Variants in PPARGC1A observed in about 807,000 individuals in gnomAD.
The protein encoded by PPARGC1A is peroxisome proliferator-activated receptor gamma coactivator 1-alpha.
Under a neutral mutation model 88.7 loss-of-function variants are expected in PPARGC1A, and 25 were observed. That is an observed-to-expected ratio of 0.28 (90% confidence interval 0.21 to 0.39). The LOEUF is 0.39. PPARGC1A is among the 10% of genes least tolerant of loss of function. The pLI is 1.00. For synonymous variants in PPARGC1A, 363 were observed against 355.6 expected (o/e 1.02, Z -0.24); for missense variants, 880 against 968.7 (o/e 0.91, Z 1.22).
chr4:23,911,326 A>G, the PPARGC1A span, among the ~76,000 whole-genome samples: 3 of 152,190 alleles, frequency 2.0e-5, no homozygotes, highest in African/African-American at 4.8e-5. Flanking sequence ...CATTTCCACT[A>G]ATCTTATTTA....
chr4:24,084,667 G>A, the PPARGC1A span, among the ~76,000 whole-genome samples: 1 of 151,958 alleles, frequency 6.6e-6, no homozygotes, highest in Admixed American at 6.6e-5. Context: ...ACAATACAAG[G>A]TCTCTCCCAG....
chr4:24,424,161 A>G, the PPARGC1A span, among the ~76,000 whole-genome samples: 1 of 148,790 alleles, frequency 6.7e-6, no homozygotes, highest in Admixed American at 6.8e-5. Context: ...TCTAGAGCTG[A>G]CTTTCTAATT....
At chr4:24,165,280 A>G in the PPARGC1A span, among the ~76,000 whole-genome samples, 4 of 152,282 alleles carry the variant, frequency 2.6e-5, no homozygotes, top group Non-Finnish European at 5.9e-5. Context: ...TCAAACTGAA[A>G]TTAAAATTGT....
chr4:24,212,498 A>C, the PPARGC1A span, among the ~76,000 whole-genome samples: 2 of 152,280 alleles, frequency 1.3e-5, no homozygotes, highest in South Asian at 4.1e-4. Context: ...CTATTTTCCA[A>C]AGTGTCATGA....
At chr4:23,996,939 AAT>A in the PPARGC1A span, among the ~76,000 whole-genome samples, 1 of 152,228 alleles carries the variant, frequency 6.6e-6, no homozygotes, top group African/African-American at 2.4e-5. Flanking sequence ...AGCTTTGATC[AAT>A]GAGTATTTGG....
the PPARGC1A span, among the ~76,000 whole-genome samples, chr4:24,167,882 T>G: frequency 6.6e-6 from 1 of 151,996 alleles, no homozygotes; most frequent in South Asian, 2.1e-4. Context: ...GCCTCCTGAG[T>G]AGCTGTGACC....
intron 1 of PPARGC1A, among the ~76,000 whole-genome samples, chr4:23,897,400 T>C (rs1408438837): frequency 6.6e-6 from 1 of 152,178 alleles, no homozygotes; most frequent in Admixed American, 6.5e-5. Flanking sequence ...TTCAGCTATG[T>C]CACTTGCCAG....
chr4:24,243,017 T>C, the PPARGC1A span, among the ~76,000 whole-genome samples: 182 of 152,228 alleles, frequency 1.2e-3, no homozygotes, highest in African/African-American at 4.1e-3. Context: ...TCATTGCAAT[T>C]ATATTTAATT....
the PPARGC1A span, among the ~76,000 whole-genome samples, chr4:23,945,972 G>C: frequency 1.1e-4 from 17 of 152,228 alleles, no homozygotes; most frequent in African/African-American, 4.1e-4. Context: ...GTGCAACCCA[G>C]AACAGCTGGA....
the PPARGC1A span, among the ~76,000 whole-genome samples, chr4:24,115,713 A>T: frequency 6.6e-6 from 1 of 152,160 alleles, no homozygotes; most frequent in Non-Finnish European, 1.5e-5. Flanking sequence ...TAGCATTTTA[A>T]TGCTGACAAA....
At chr4:24,417,966 C>T in the PPARGC1A span, among the ~76,000 whole-genome samples, 1 of 151,782 alleles carries the variant, frequency 6.6e-6, no homozygotes, top group Non-Finnish European at 1.5e-5. Context: ...AACCCTCCAC[C>T]ATCAGACTAT....
At chr4:23,829,712 A>T in intron 3 of PPARGC1A, 127 bp from the exon 4 acceptor site, 1 of 950,918 alleles carries the variant, frequency 1.1e-6, no homozygotes, top group Non-Finnish European at 1.4e-6. Flanking sequence ...CATTTTATTT[A>T]TGTCACACCT....
At chr4:24,080,142 A>T in the PPARGC1A span, among the ~76,000 whole-genome samples, 1 of 152,072 alleles carries the variant, frequency 6.6e-6, no homozygotes, top group African/African-American at 2.4e-5. Flanking sequence ...TTTGAGAAAA[A>T]TCGAAGTGCT....
chr4:24,351,464 A>G, the PPARGC1A span, among the ~76,000 whole-genome samples: 1 of 152,092 alleles, frequency 6.6e-6, no homozygotes, highest in Non-Finnish European at 1.5e-5. Context: ...CGATTACAAA[A>G]CAACTCAAAA....
At chr4:24,174,399 G>A in the PPARGC1A span, among the ~76,000 whole-genome samples, 1 of 152,204 alleles carries the variant, frequency 6.6e-6, no homozygotes, top group African/African-American at 2.4e-5. Context: ...TAAGAGGCCT[G>A]ATAATCTGTA....
the PPARGC1A span, among the ~76,000 whole-genome samples, chr4:24,082,647 C>A: frequency 6.6e-6 from 1 of 152,066 alleles, no homozygotes; most frequent in Non-Finnish European, 1.5e-5. Context: ...AAACTTGATG[C>A]AAAATATATT....
At chr4:24,311,945 G>A in the PPARGC1A span, among the ~76,000 whole-genome samples, 4 of 152,254 alleles carry the variant, frequency 2.6e-5, no homozygotes, top group Admixed American at 1.3e-4. Flanking sequence ...GAGGAAGCTC[G>A]TCTGTACATG....
chr4:24,373,279 G>A, the PPARGC1A span, among the ~76,000 whole-genome samples: 6 of 152,338 alleles, frequency 3.9e-5, no homozygotes, highest in African/African-American at 1.4e-4. Flanking sequence ...AAAAAGATGA[G>A]CAAAATAGAA....
chr4:23,824,892 T>C (rs2109609707), intron 5 of PPARGC1A, among the ~76,000 whole-genome samples: 1 of 152,220 alleles, frequency 6.6e-6, no homozygotes, highest in East Asian at 1.9e-4. Context: ...ATTATGAATA[T>C]TCAGTTGATT....
Sources: gnomAD v4.1 joint callset for allele counts (sites outside exome capture counted in the v4.1 genomes callset) on GRCh38, gnomAD v4.1.1 for gene constraint, MANE v1.5 for transcripts, NCBI Gene and HGNC (gene_info 2026-07-23, HGNC 2026-07-21) for gene names.